The following ZNF516 variants were observed in gnomAD, a reference collection of about 807,000 sequenced individuals.
ZNF516 encodes zinc finger protein 516.
Under a neutral mutation model 79.7 loss-of-function variants are expected in ZNF516, and 19 were observed. The ratio of observed to expected loss-of-function variants is 0.24; its 90% CI spans 0.17 to 0.35. The LOEUF is 0.35. Among genes scored for constraint, ZNF516 ranks in the 10% least tolerant of loss-of-function variants. The pLI is 1.00. For synonymous variants in ZNF516, 877 were observed against 739.5 expected, an observed-to-expected ratio of 1.19 and a Z score of -3.02; for missense variants, 1,678 against 1,679.5, an observed-to-expected ratio of 1.00 and a Z score of 0.02.
intron 1 of ZNF516, among the ~76,000 whole-genome samples, chr18:76,491,433 C>T: frequency 7.0e-6 from 1 of 142,148 alleles, no homozygotes; most frequent in Non-Finnish European, 1.6e-5. Flanking sequence ...CCCCGCCCCC[C>T]GGCCCGCACA....
At chr18:76,406,949 CTA>C (rs149946340) in intron 3 of ZNF516, among the ~76,000 whole-genome samples, 8,828 of 152,208 alleles carry the variant, frequency 0.058, 565 homozygotes, top group African/African-American at 0.15. Context: ...CTGCCTGGGG[CTA>C]TCTTAGATTT....
intron 3 of ZNF516, among the ~76,000 whole-genome samples, chr18:76,390,998 C>T (rs1399406315): frequency 6.6e-6 from 1 of 152,120 alleles, no homozygotes; most frequent in African/African-American, 2.4e-5. Flanking sequence ...CAGCGCTGAG[C>T]TCATTGACAC....
intron 1 of ZNF516, chr18:76,490,122 A>G: frequency 1.0e-6 from 1 of 982,010 alleles, no homozygotes; most frequent in Non-Finnish European, 1.2e-6. Context: ...CAATTACCAA[A>G]ATATTTGTGA....
At chr18:76,405,322 TCC>T (rs1434418496) in intron 3 of ZNF516, among the ~76,000 whole-genome samples, 2 of 152,090 alleles carry the variant, frequency 1.3e-5, no homozygotes, top group Non-Finnish European at 2.9e-5. Context: ...GTCCTCGACT[TCC>T]TGGGCTCAAG....
intron 1 of ZNF516, among the ~76,000 whole-genome samples, chr18:76,486,131 C>A (rs981365795): frequency 6.6e-6 from 1 of 152,026 alleles, no homozygotes; most frequent in African/African-American, 2.4e-5. Context: ...AAAATTGTAT[C>A]GGTGGAAAAA....
In ZNF516 at chr18:76,442,110, G is replaced by A; in HGVS notation, c.945C>T (p.Ile315=). 1 of 1,613,996 alleles carries A rather than the reference G, an allele frequency of 6.2e-7. No homozygotes were observed. Among genetic ancestry groups the A allele is most frequent in the Non-Finnish European group, 8.5e-7 (1 of 1,179,900 alleles). Residue 315 remains isoleucine, a synonymous_variant, in exon 3 of 7, where the codon ATC becomes ATT. Coordinates refer to ENST00000443185, the MANE Select transcript of ZNF516 (RefSeq NM_014643.4). The part of the protein sequence containing the change: ...KNRPKSELDP[I]ATINNVVQEE... Reference sequence around the variant, plus strand: ...CCTGGACCACGTTGTTGATGGTGGCGATGGGGTCCAGCTCACTCTTGGGCC... The same window carrying A: ...CCTGGACCACGTTGTTGATGGTGGCAATGGGGTCCAGCTCACTCTTGGGCC...
chr18:76,441,104 C>T (rs949996188), intron 3 of ZNF516, 141 bp downstream of exon 3: 18 of 1,281,048 alleles, frequency 1.4e-5, no homozygotes, highest in Non-Finnish European at 5.2e-6. Flanking sequence ...CCAGGGTTAC[C>T]TGAGCATAGG....
chr18:76,404,187 C>A (rs1029848398), intron 3 of ZNF516, among the ~76,000 whole-genome samples: 8 of 152,258 alleles, frequency 5.3e-5, no homozygotes, highest in Non-Finnish European at 1.2e-4. Flanking sequence ...CCCTCGGAAG[C>A]AGGTGGTCCC....
intron 6 of ZNF516, among the ~76,000 whole-genome samples, 195 bp from the exon 7 acceptor site, chr18:76,362,752 C>T (rs11150946): frequency 0.53 from 80,892 of 152,036 alleles, 22,393 homozygotes; most frequent in African/African-American, 0.67. Flanking sequence ...GCAAGTATTT[C>T]AAATGTGCCT....
In ZNF516 at chr18:76,398,232, A is replaced by C. The variant is rs1388837369; in HGVS notation, c.1811-17929T>G. ...GGCTTTCACGGCTACTCTACACCTTACACACCTTCCTTCGTCCCCAGATCC... is the reference window on the plus strand; with the variant it reads ...GGCTTTCACGGCTACTCTACACCTTCCACACCTTCCTTCGTCCCCAGATCC... On this transcript the variant is annotated intron_variant, in intron 3 of 6. Transcript: ENST00000443185. Among the ~76,000 whole-genome samples, 12 of 152,210 alleles carry C rather than the reference A, an allele frequency of 7.9e-5. No homozygotes were observed. In the East Asian group the frequency reaches 2.4e-3, roughly 30 times the overall value.
Position 76,470,550 on chromosome 18 carries a change from T to C in ZNF516, c.-271-7409A>G, listed in dbSNP as rs944272990. Among the ~76,000 whole-genome samples, 34 of 152,234 alleles carry C rather than the reference T, an allele frequency of 2.2e-4. 1 individual carries two copies. The highest frequency in any genetic ancestry group is 4.4e-5 in the Non-Finnish European group (3 of 68,050). ...TGGAAATTCCATACGAACCCTCTTC[T>C]GTGCTCTCTGGTTTATTCTGAGAAT... On this transcript the variant is annotated intron_variant, in intron 1 of 6. Coordinates refer to ENST00000443185, the MANE Select transcript of ZNF516 (RefSeq NM_014643.4).
rs570801689 is a variant in ZNF516, at chr18:76,365,838, A to G, written c.3433-3281T>C. 9.7e-4 allele frequency among the ~76,000 whole-genome samples: 147 copies of G among 152,302 alleles called. 1 individual carries two copies. Among genetic ancestry groups the G allele is most frequent in the African/African-American group, 3.4e-3 (142 of 41,568 alleles). ...TTCTAGCTTGTCTACGATCGAGGCA[A>G]AAGAGTGAGATGCCTAAAGGGGTGT... is the stretch of plus-strand genomic sequence containing the variant. On this transcript the variant is annotated intron_variant, in intron 6 of 6. Transcript: ENST00000443185.
At chr18:76,421,911 A>G (rs2075513454) in intron 3 of ZNF516, among the ~76,000 whole-genome samples, 1 of 152,214 alleles carries the variant, frequency 6.6e-6, no homozygotes, top group Non-Finnish European at 1.5e-5. Context: ...TCTCTGCCTC[A>G]CACATGGATC....
chr18:76,469,318 C>T lies in ZNF516; in HGVS notation c.-271-6177G>A, dbSNP rs139858811. 1.7e-3 allele frequency among the ~76,000 whole-genome samples: 262 copies of T among 152,256 alleles called. 1 individual carries two copies. The highest frequency in any genetic ancestry group is 5.8e-3 in the African/African-American group (242 of 41,550). On this transcript the variant is annotated intron_variant, in intron 1 of 6. Transcript: ENST00000443185. Reference sequence around the variant, plus strand: ...CTATTTTTTATATTACTAAAAAAGCCACACTCATTATATCTTTATATTTAG... The same window carrying T: ...CTATTTTTTATATTACTAAAAAAGCTACACTCATTATATCTTTATATTTAG...
chr18:76,413,564 CA>C (rs36001974), intron 3 of ZNF516, among the ~76,000 whole-genome samples: 11,403 of 149,954 alleles, frequency 0.076, 653 homozygotes, highest in South Asian at 0.19. Flanking sequence ...TTTTTTGTTT[CA>C]AAAAAAAAAT....
intron 1 of ZNF516, among the ~76,000 whole-genome samples, chr18:76,483,441 C>T (rs1358925267): frequency 6.6e-6 from 1 of 152,238 alleles, no homozygotes; most frequent in Admixed American, 6.5e-5. Context: ...CTGCCCACTC[C>T]TGTGGGAAGC....
intron 1 of ZNF516, among the ~76,000 whole-genome samples, chr18:76,466,584 G>A (rs563818411): frequency 2.4e-4 from 36 of 152,370 alleles, no homozygotes; most frequent in Admixed American, 7.2e-4. Context: ...CCGGGGCCGC[G>A]CATCTCCAGG....
Position 76,467,443 on chromosome 18 carries a change from C to A in ZNF516, c.-271-4302G>T, listed in dbSNP as rs1385349736. 6.6e-6 allele frequency among the ~76,000 whole-genome samples: 1 copy of A among 152,182 alleles called. No individual in the cohort carries two copies. The highest frequency in any genetic ancestry group is 2.4e-5 in the African/African-American group (1 of 41,448). On this transcript the variant is annotated intron_variant, in intron 1 of 6. Transcript: ENST00000443185. This position sits in a 1 kb window ranked among gnomAD's most constrained non-coding sequence, Gnocchi z 4.2. ...GGAAATGATTTGGGCAAACGCTCTG[C>A]CCTGAGATCTCTCTCGCCCTAACTA... is the stretch of plus-strand genomic sequence containing the variant.
chr18:76,404,927 C>G (rs1406368130), intron 3 of ZNF516, among the ~76,000 whole-genome samples: 4 of 152,150 alleles, frequency 2.6e-5, no homozygotes, highest in Admixed American at 2.6e-4. Flanking sequence ...TCCCTGCAGA[C>G]AGGAGAGTCC....
Sources: allele counts gnomAD v4.1 joint callset (sites outside exome capture counted in the v4.1 genomes callset), GRCh38; gene constraint gnomAD v4.1.1; non-coding constraint Gnocchi (gnomAD v3.1); transcripts MANE v1.5; gene names NCBI Gene and HGNC (gene_info 2026-07-23, HGNC 2026-07-21).